Variants in RAB2A observed in about 807,000 individuals in gnomAD.
RAB2A encodes the protein RAB2A, member RAS oncogene family.
A neutral mutation model predicts 32.5 loss-of-function variants in RAB2A; 7 were observed. The ratio of observed to expected loss-of-function variants is 0.22; its 90% CI spans 0.12 to 0.40. RAB2A has a LOEUF of 0.40. Among genes scored for constraint, RAB2A ranks in the 10% least tolerant of loss-of-function variants. The pLI is 1.00. For synonymous variants in RAB2A, 79 were observed against 85.2 expected, an observed-to-expected ratio of 0.93 and a Z score of 0.40; for missense variants, 108 against 260.7, an observed-to-expected ratio of 0.41 and a Z score of 4.03.
At chr8:60,547,446 G>A (rs1357896626) in intron 1 of RAB2A, among the ~76,000 whole-genome samples, 1 of 151,120 alleles carries the variant, frequency 6.6e-6, no homozygotes, top group Admixed American at 6.6e-5. Flanking sequence ...CCGGGCAGAG[G>A]GGCTCCTCAC....
chr8:60,605,599 A>G (rs1804215162), intron 6 of RAB2A, among the ~76,000 whole-genome samples: 1 of 152,170 alleles, frequency 6.6e-6, no homozygotes, highest in African/African-American at 2.4e-5. Context: ...GAGCACACCC[A>G]TCACACCCCT....
At chr8:60,556,218 G>A (rs993954205) in intron 1 of RAB2A, among the ~76,000 whole-genome samples, 2 of 152,142 alleles carry the variant, frequency 1.3e-5, no homozygotes, top group African/African-American at 4.8e-5. Context: ...GGGAAGGGTA[G>A]GGGAAAGGTG....
At position 60,518,596 on chromosome 8, in the gene RAB2A, CAAAAAAAAAA is replaced by C. The variant is rs59503766; in HGVS notation, c.46+1361_46+1370del. ...ACTTGAGCCCGGAAGGTGGAGTTTG[CAAAAAAAAAA>C]AAAAAAAAAAAAAAAAAGCATATTT... is the stretch of plus-strand genomic sequence containing the variant. On this transcript the variant is annotated intron_variant, in intron 1 of 7. Transcript: ENST00000262646. 9.3e-3 allele frequency among the ~76,000 whole-genome samples: 425 copies of C among 45,512 alleles called. 2 individuals carry two copies. Among genetic ancestry groups the C allele is most frequent in the African/African-American group, 0.027 (395 of 14,806 alleles). 29.9% of individuals were successfully genotyped at this position (45,512 alleles called of 152,430 possible).
intron 6 of RAB2A, among the ~76,000 whole-genome samples, chr8:60,603,604 G>A (rs548333336): frequency 6.6e-6 from 1 of 152,308 alleles, no homozygotes; most frequent in Admixed American, 6.5e-5. Context: ...TATTGAGATT[G>A]AGAAACACTG....
chr8:60,622,231 G>T lies in RAB2A; in HGVS notation c.*1462G>T, dbSNP rs572047030. 7.9e-5 allele frequency: 12 copies of T among 152,298 alleles called. No homozygotes were observed. The highest frequency in any genetic ancestry group is 2.6e-4 in the African/African-American group (11 of 41,556). 9.4% of individuals were successfully genotyped at this position (152,298 alleles called of 1,614,324 possible). A position where few individuals can be genotyped will look rare whatever the true frequency, so the allele number is the denominator to read the frequency against. ...CCTGAACTAGCACAAAAGCACTTATGCCTGAAAGAAAGCATAAAGAAGTTC... is the reference window on the plus strand; with the variant it reads ...CCTGAACTAGCACAAAAGCACTTATTCCTGAAAGAAAGCATAAAGAAGTTC... On this transcript the variant is annotated 3_prime_UTR_variant, in exon 8 of 8. Coordinates refer to ENST00000262646, the MANE Select transcript of RAB2A (RefSeq NM_002865.3).
chr8:60,526,570 G>A (rs1451676105), intron 1 of RAB2A, among the ~76,000 whole-genome samples: 1 of 152,060 alleles, frequency 6.6e-6, no homozygotes. Context: ...GCCATGCTAG[G>A]GTAAAATATT....
At chr8:60,610,162 C>T (rs1347506438) in intron 6 of RAB2A, among the ~76,000 whole-genome samples, 2 of 151,932 alleles carry the variant, frequency 1.3e-5, no homozygotes, top group African/African-American at 2.4e-5. Context: ...ATTTATGCTA[C>T]TGAAGTACTA....
intron 6 of RAB2A, among the ~76,000 whole-genome samples, chr8:60,608,038 A>C (rs1267495065): frequency 6.6e-6 from 1 of 152,184 alleles, no homozygotes; most frequent in African/African-American, 2.4e-5. Context: ...GACTTCTTCC[A>C]CCACGGCCAA....
chr8:60,552,978 A>G (rs1807879364), intron 1 of RAB2A: 2 of 152,330 alleles, frequency 1.3e-5, no homozygotes, highest in East Asian at 1.9e-4. Flanking sequence ...GCATGATACA[A>G]TTAATAAAAA....
chr8:60,598,091 G>A (rs1804062357), intron 6 of RAB2A, among the ~76,000 whole-genome samples: 1 of 152,152 alleles, frequency 6.6e-6, no homozygotes, highest in African/African-American at 2.4e-5. Flanking sequence ...CCGGCTACTC[G>A]GGAGGCTAAG....
intron 1 of RAB2A, among the ~76,000 whole-genome samples, chr8:60,533,084 T>G (rs1807501354): frequency 6.6e-6 from 1 of 152,228 alleles, no homozygotes; most frequent in South Asian, 2.1e-4. Flanking sequence ...TATTTGCTTG[T>G]AAAATAACCG....
intron 6 of RAB2A, among the ~76,000 whole-genome samples, chr8:60,597,819 A>G (rs1002454465): frequency 6.6e-6 from 1 of 152,232 alleles, no homozygotes; most frequent in Non-Finnish European, 1.5e-5. Flanking sequence ...AAAAGGTGCA[A>G]GTTACCAATT....
chr8:60,522,602 A>G (rs1302986572), intron 1 of RAB2A, among the ~76,000 whole-genome samples: 1 of 152,182 alleles, frequency 6.6e-6, no homozygotes, highest in Non-Finnish European at 1.5e-5. Context: ...AAGTAGAACC[A>G]TGCATGGGTT....
intron 3 of RAB2A, among the ~76,000 whole-genome samples, chr8:60,582,679 A>C (rs1803781972): frequency 6.6e-6 from 1 of 151,938 alleles, no homozygotes; most frequent in Non-Finnish European, 1.5e-5. Context: ...CACTTGGCTA[A>C]TTTTTATATT....
At chr8:60,606,300 G>A (rs1329965650) in intron 6 of RAB2A, among the ~76,000 whole-genome samples, 2 of 152,178 alleles carry the variant, frequency 1.3e-5, no homozygotes, top group Non-Finnish European at 2.9e-5. Context: ...AGACTAGGAA[G>A]TACTGTTAGG....
intron 1 of RAB2A, among the ~76,000 whole-genome samples, chr8:60,528,306 A>T (rs548232313): frequency 3.8e-4 from 58 of 152,358 alleles, no homozygotes; most frequent in South Asian, 8.3e-4. Context: ...GAATGAATAA[A>T]TGATATCATA....
At chr8:60,598,529 G>A (rs938029531) in intron 6 of RAB2A, among the ~76,000 whole-genome samples, 1 of 144,508 alleles carries the variant, frequency 6.9e-6, no homozygotes, top group African/African-American at 2.7e-5. Context: ...AACAATATAC[G>A]AAATTGTGTA....
At chr8:60,613,431 G>A (rs1804395430) in intron 6 of RAB2A, among the ~76,000 whole-genome samples, 1 of 152,078 alleles carries the variant, frequency 6.6e-6, no homozygotes, top group Non-Finnish European at 1.5e-5. Context: ...CCTTTATTAG[G>A]ATCATTTATC....
chr8:60,547,843 C>T (rs1196358469), intron 1 of RAB2A, among the ~76,000 whole-genome samples: 1 of 122,260 alleles, frequency 8.2e-6, no homozygotes. Context: ...GACCCCCCCA[C>T]CTCCCTCCTG....
Sources: allele counts gnomAD v4.1 joint callset (sites outside exome capture counted in the v4.1 genomes callset), GRCh38; gene constraint gnomAD v4.1.1; transcripts MANE v1.5; gene names NCBI Gene and HGNC (gene_info 2026-07-23, HGNC 2026-07-21).